The following AUH variants were observed in gnomAD, a reference collection of about 807,000 sequenced individuals.
AUH encodes the protein AU RNA binding methylglutaconyl-CoA hydratase, also known as methylglutaconyl-CoA hydratase, mitochondrial.
AUH carries 29 observed loss-of-function variants against 42.3 expected under a neutral mutation model. The observed-to-expected ratio is 0.69, with a 90% CI of 0.51 to 0.93. AUH has a LOEUF of 0.93. Ranked by LOEUF, AUH falls within the 40% of genes least tolerant of loss-of-function variation. The pLI is 0.00. For missense variants in AUH, 452 were observed against 438.1 expected (o/e 1.03, Z -0.28); for synonymous variants, 174 against 166.4 (o/e 1.05, Z -0.35).
Position 91,245,448 on chromosome 9 carries a change from A to G in AUH, c.656-24456T>C, listed in dbSNP as rs1564026136. Among the ~76,000 whole-genome samples, 5 of 152,232 alleles carry G rather than the reference A, an allele frequency of 3.3e-5. No individual in the cohort carries two copies. In the South Asian group the frequency reaches 6.2e-4, roughly 19 times the overall value. On this transcript the variant is annotated intron_variant, in intron 6 of 9. Transcript: ENST00000375731. Reference sequence around the variant, plus strand: ...AGACAGCCATTTTGGTTTTTATCTGATAAGAGGAAAGCTGGAGAAAGAAGA... The same window carrying G: ...AGACAGCCATTTTGGTTTTTATCTGGTAAGAGGAAAGCTGGAGAAAGAAGA...
intron 6 of AUH, among the ~76,000 whole-genome samples, chr9:91,273,544 C>G (rs1001801028): frequency 6.6e-6 from 1 of 152,198 alleles, no homozygotes; most frequent in Non-Finnish European, 1.5e-5. Flanking sequence ...CATATTTGAA[C>G]AGCAATTTAG....
At chr9:91,307,528 T>C (rs965418814) in intron 4 of AUH, among the ~76,000 whole-genome samples, 1 of 152,210 alleles carries the variant, frequency 6.6e-6, no homozygotes, top group Non-Finnish European at 1.5e-5. Context: ...AAGTTTTAAA[T>C]GACACACCAT....
chr9:91,324,013 GAAT>G (rs1829788713), intron 4 of AUH, among the ~76,000 whole-genome samples: 1 of 151,920 alleles, frequency 6.6e-6, no homozygotes, highest in East Asian at 1.9e-4. Flanking sequence ...CAAGGAAAAA[GAAT>G]AATAAAGAGA....
intron 6 of AUH, among the ~76,000 whole-genome samples, chr9:91,228,625 AGTTCTTTTAATT>A (rs1188785140): frequency 1.4e-5 from 2 of 142,198 alleles, no homozygotes; most frequent in African/African-American, 5.3e-5. Flanking sequence ...TTGCTTTTCT[AGTTCTTTTAATT>A]GTGATGTTAG....
At chr9:91,326,734 T>C (rs1004983112) in intron 3 of AUH, among the ~76,000 whole-genome samples, 4 of 152,196 alleles carry the variant, frequency 2.6e-5, no homozygotes, top group African/African-American at 4.8e-5. Flanking sequence ...TTATTTGTAA[T>C]ATTGTATTGC....
At chr9:91,294,920 T>A in intron 6 of AUH, 1 of 386,548 alleles carries the variant, frequency 2.6e-6, no homozygotes. Context: ...TGTGGATTGA[T>A]CTGGTTTGGC....
At chr9:91,248,795 T>C (rs911034045) in intron 6 of AUH, among the ~76,000 whole-genome samples, 12 of 152,174 alleles carry the variant, frequency 7.9e-5, no homozygotes, top group African/African-American at 2.9e-4. Context: ...AAGGATGTGA[T>C]TTCAGGAGCC....
intron 3 of AUH, among the ~76,000 whole-genome samples, chr9:91,328,204 C>G (rs2494386): frequency 6.6e-6 from 1 of 151,940 alleles, no homozygotes; most frequent in Non-Finnish European, 1.5e-5. Context: ...CCAGCACTTA[C>G]GCGCTCTCCT....
chr9:91,262,430 C>G (rs1485881354), intron 6 of AUH, among the ~76,000 whole-genome samples: 1 of 152,162 alleles, frequency 6.6e-6, no homozygotes, highest in Admixed American at 6.5e-5. Context: ...CTCGCCCCTC[C>G]AACACAGCTA....
At chr9:91,330,801 C>G (rs1423607954) in intron 3 of AUH, among the ~76,000 whole-genome samples, 1 of 152,170 alleles carries the variant, frequency 6.6e-6, no homozygotes, top group Non-Finnish European at 1.5e-5. Context: ...TGGAAGAGAT[C>G]AGCCTGCAAA....
At chr9:91,303,970 C>A (rs143719353) in intron 4 of AUH, among the ~76,000 whole-genome samples, 1 of 152,180 alleles carries the variant, frequency 6.6e-6, no homozygotes, top group Non-Finnish European at 1.5e-5. Context: ...GTCATTGCTG[C>A]AAACATAATA....
intron 6 of AUH, among the ~76,000 whole-genome samples, chr9:91,249,509 C>G (rs1323230743): frequency 6.6e-6 from 1 of 151,742 alleles, no homozygotes; most frequent in African/African-American, 2.4e-5. Flanking sequence ...GTTGTTTGTT[C>G]GGTAGTTTTT....
intron 7 of AUH, among the ~76,000 whole-genome samples, chr9:91,218,001 G>A (rs1826925308): frequency 6.6e-6 from 1 of 152,172 alleles, no homozygotes; most frequent in African/African-American, 2.4e-5. Flanking sequence ...GAATCCCTCA[G>A]ATGGAATTTC....
At chr9:91,345,598 C>T (rs2132009165) in intron 3 of AUH, among the ~76,000 whole-genome samples, 1 of 152,148 alleles carries the variant, frequency 6.6e-6, no homozygotes, top group Middle Eastern at 3.4e-3. Flanking sequence ...CTTTGGGAGG[C>T]CGAGGCAGGT....
intron 4 of AUH, among the ~76,000 whole-genome samples, chr9:91,325,079 ATTG>A (rs1829875949): frequency 1.3e-5 from 2 of 152,090 alleles, no homozygotes; most frequent in South Asian, 2.1e-4. Context: ...GCAAATTATT[ATTG>A]TTGTCTAATA....
chr9:91,309,337 T>C lies in AUH; in HGVS notation c.506-11261A>G, dbSNP rs145399150. Among the ~76,000 whole-genome samples, 581 of 152,154 alleles carry C rather than the reference T, an allele frequency of 3.8e-3. 4 individuals are homozygous for C. Among genetic ancestry groups the C allele is most frequent in the African/African-American group, 0.013 (557 of 41,532 alleles). On this transcript the variant is annotated intron_variant, in intron 4 of 9. Coordinates refer to ENST00000375731, the MANE Select transcript of AUH (RefSeq NM_001698.3). ...TACACAAACTGTCTCAAAGACCCAG[T>C]AGTCAGTTCTTACTGTTCATCTTAC...
intron 8 of AUH, 83 bp downstream of exon 8, chr9:91,217,194 A>T: frequency 7.1e-7 from 1 of 1,413,266 alleles, no homozygotes; most frequent in Non-Finnish European, 9.9e-7. Context: ...CTTTAAAAAA[A>T]ATGTAGAAGT....
intron 7 of AUH, 85 bp downstream of exon 7, chr9:91,220,720 C>T: frequency 1.3e-6 from 2 of 1,483,188 alleles, no homozygotes. Context: ...GGACTTCTTC[C>T]ATAGGCAAGA....
intron 3 of AUH, among the ~76,000 whole-genome samples, chr9:91,333,511 C>T (rs1830483328): frequency 6.6e-6 from 1 of 152,104 alleles, no homozygotes; most frequent in Admixed American, 6.5e-5. Flanking sequence ...CTATTAAATA[C>T]TAAATATAAA....
Sources: allele counts gnomAD v4.1 joint callset (sites outside exome capture counted in the v4.1 genomes callset), GRCh38; gene constraint gnomAD v4.1.1; transcripts MANE v1.5; gene names NCBI Gene and HGNC (gene_info 2026-07-23, HGNC 2026-07-21).